The following RHOA variants were observed in gnomAD, a reference collection of about 807,000 sequenced individuals.
RHOA encodes ras homolog family member A.
In RHOA, 3 loss-of-function variants were observed where a neutral mutation model predicts 17.5. The observed-to-expected ratio is 0.17, with a 90% CI of 0.08 to 0.44. The LOEUF is 0.44. Among genes scored for constraint, RHOA ranks in the 20% least tolerant of loss-of-function variants. The pLI, the probability that RHOA is intolerant of heterozygous loss-of-function variation, is 0.99. For missense variants in RHOA, 56 were observed against 242.3 expected (o/e 0.23, Z 5.10); for synonymous variants, 98 against 88.4 (o/e 1.11, Z -0.61).
intron 1 of RHOA, among the ~76,000 whole-genome samples, chr3:49,393,670 C>CTG (rs2048553811): frequency 3.0e-4 from 29 of 97,238 alleles, no homozygotes; most frequent in Admixed American, 7.4e-4. Flanking sequence ...GTCTCAAATT[C>CTG]TCTCTCTGTG....
chr3:49,410,996 T>C (rs2048923620), intron 1 of RHOA, among the ~76,000 whole-genome samples: 2 of 152,258 alleles, frequency 1.3e-5, no homozygotes. Context: ...AATAGCGCTA[T>C]TCAATGAAGA....
At chr3:49,411,072 C>A (rs1324111666) in intron 1 of RHOA, among the ~76,000 whole-genome samples, 4 of 152,196 alleles carry the variant, frequency 2.6e-5, no homozygotes, top group African/African-American at 7.2e-5. Flanking sequence ...CTAATCAATA[C>A]AGCGACTTCG....
intron 1 of RHOA, among the ~76,000 whole-genome samples, chr3:49,384,799 G>T (rs1029748623): frequency 6.6e-6 from 1 of 151,980 alleles, no homozygotes; most frequent in Non-Finnish European, 1.5e-5. Context: ...AGTGGCTCAC[G>T]CCTGTAATCC....
At chr3:49,403,038 T>TAA (rs34145759) in intron 1 of RHOA, among the ~76,000 whole-genome samples, 12,485 of 136,082 alleles carry the variant, frequency 0.092, 602 homozygotes, top group Middle Eastern at 0.11. Flanking sequence ...TTCCATCTCA[T>TAA]AAAAAAAAAA....
chr3:49,362,436 C>T (rs1319379684), intron 4 of RHOA, 60 bp downstream of exon 4: 1 of 1,506,104 alleles, frequency 6.6e-7, no homozygotes, highest in African/African-American at 1.4e-5. Context: ...GCTCCCCAAA[C>T]CTCCAAACTT....
chr3:49,390,427 C>A (rs144310262), intron 1 of RHOA, among the ~76,000 whole-genome samples: 1 of 152,084 alleles, frequency 6.6e-6, no homozygotes, highest in Non-Finnish European at 1.5e-5. Flanking sequence ...CTGCACCCAG[C>A]CTTAATTTTT....
rs2047941386 is a variant in RHOA, at chr3:49,360,283, C to G, written c.508G>C (p.Val170Leu). The G allele has an allele frequency of 6.2e-7, 1 of 1,614,086 alleles. No homozygotes were observed. The highest frequency in any genetic ancestry group is 8.5e-7 in the Non-Finnish European group (1 of 1,180,026). ...SAKTKDGVRE[V>L]FEMATRAALQ... Reference sequence around the variant, plus strand: ...GCAGCTCTCGTAGCCATTTCAAAAACCTCTCTCACTCCATCTTTGGTCTTT... The same window carrying G: ...GCAGCTCTCGTAGCCATTTCAAAAAGCTCTCTCACTCCATCTTTGGTCTTT... The change falls in exon 5 of 5, where the codon GTT becomes CTT. Residue 170 changes from valine (V) to leucine (L), a missense_variant. By Grantham distance (32) the Val-to-Leu change is conservative (BLOSUM62 1). This residue lies in a region of RHOA where 39 missense variants were observed against 86.0 expected (regional missense o/e 0.45). Coordinates refer to ENST00000418115, the MANE Select transcript of RHOA (RefSeq NM_001664.4).
At chr3:49,403,292 T>G (rs1256637274) in intron 1 of RHOA, among the ~76,000 whole-genome samples, 1 of 151,820 alleles carries the variant, frequency 6.6e-6, no homozygotes, top group Non-Finnish European at 1.5e-5. Context: ...GAGCCAAGAT[T>G]GCGGCACTGC....
intron 1 of RHOA, among the ~76,000 whole-genome samples, chr3:49,382,185 G>A (rs1322150962): frequency 6.6e-6 from 1 of 151,842 alleles, no homozygotes; most frequent in Admixed American, 6.6e-5. Flanking sequence ...CAGGCGTCGT[G>A]AAGGGCGCCT....
chr3:49,402,675 A>G (rs765412097), intron 1 of RHOA, among the ~76,000 whole-genome samples: 93 of 151,922 alleles, frequency 6.1e-4, no homozygotes, highest in Non-Finnish European at 1.1e-3. Flanking sequence ...CTCTGTCTCA[A>G]AAACAAACCA....
chr3:49,368,656 C>T lies in RHOA; in HGVS notation c.157-108G>A, dbSNP rs376169121. 2.5e-6 allele frequency: 3 copies of T among 1,200,734 alleles called. No homozygotes were observed. The Admixed American group carries it at 6.2e-5, about 25-fold the overall frequency. 74.4% of individuals were successfully genotyped at this position (1,200,734 alleles called of 1,614,324 possible). A position where few individuals can be genotyped will look rare whatever the true frequency, so the allele number is the denominator to read the frequency against. On this transcript the variant is annotated intron_variant, in intron 2 of 4. Transcript: ENST00000418115. ...TTGAAATGGCAGACCATTGAAATGG[C>T]AGACGGTCTAAAACAGTAAAACACA...
At chr3:49,368,575 G>A (rs1444460888) in intron 2 of RHOA, 27 bp from the exon 3 acceptor site, 1 of 1,613,664 alleles carries the variant, frequency 6.2e-7, no homozygotes, top group South Asian at 1.1e-5. Flanking sequence ...AACCACAAGA[G>A]TGCAAGGTTA....
intron 1 of RHOA, among the ~76,000 whole-genome samples, chr3:49,390,967 C>T (rs2048491879): frequency 6.6e-6 from 1 of 151,850 alleles, no homozygotes; most frequent in Admixed American, 6.6e-5. Flanking sequence ...GCCTGTAATC[C>T]CAGCACTTTG....
At chr3:49,378,240 CTTTT>C (rs71077802) in intron 1 of RHOA, among the ~76,000 whole-genome samples, 1 of 60,712 alleles carries the variant, frequency 1.6e-5, no homozygotes, top group African/African-American at 6.1e-5. Flanking sequence ...ATCCATCTAT[CTTTT>C]TTTTTTTTTT....
At chr3:49,407,072 G>C (rs1469611499) in intron 1 of RHOA, among the ~76,000 whole-genome samples, 1 of 151,968 alleles carries the variant, frequency 6.6e-6, no homozygotes, top group African/African-American at 2.4e-5. Flanking sequence ...GCTTGAACCT[G>C]GGAAACAAAG....
In RHOA at chr3:49,389,167, C is replaced by A. The variant is rs142685853; in HGVS notation, c.-2-13576G>T. 5.4e-3 allele frequency among the ~76,000 whole-genome samples: 822 copies of A among 151,916 alleles called. 3 individuals carry two copies. Among genetic ancestry groups the A allele is most frequent in the Non-Finnish European group, 8.4e-3 (572 of 67,964 alleles). ...GACCAACCTGGCCAACCTGGTGAAA[C>A]CCCATCTCTACAAAAATACAAAAAA... is the stretch of plus-strand genomic sequence containing the variant. On this transcript the variant is annotated intron_variant, in intron 1 of 4. Coordinates refer to ENST00000418115, the MANE Select transcript of RHOA (RefSeq NM_001664.4).
At chr3:49,380,719 T>C (rs561688516) in intron 1 of RHOA, among the ~76,000 whole-genome samples, 1 of 125,124 alleles carries the variant, frequency 8.0e-6, no homozygotes, top group Non-Finnish European at 1.7e-5. Context: ...ATAATAATAA[T>C]AAATACTCAT....
Position 49,360,478 on chromosome 3 carries a change from T to C in RHOA, c.409-96A>G, listed in dbSNP as rs138105214. ...AATTCATCTAAAAGATTTTTTTTTCTTTTTTTGAGACAGTTTTGCTCGTCG... is the reference window on the plus strand; with the variant it reads ...AATTCATCTAAAAGATTTTTTTTTCCTTTTTTGAGACAGTTTTGCTCGTCG... On this transcript the variant is annotated intron_variant, in intron 4 of 4. Transcript: ENST00000418115. The C allele has an allele frequency of 5.0e-4, 683 of 1,356,732 alleles. 4 individuals are homozygous for C. In the African/African-American group the frequency reaches 9.1e-3, roughly 18 times the overall value. 84.0% of individuals were successfully genotyped at this position (1,356,732 alleles called of 1,614,324 possible). A position where few individuals can be genotyped will look rare whatever the true frequency, so the allele number is the denominator to read the frequency against.
chr3:49,377,077 G>A (rs1238495355), intron 1 of RHOA, among the ~76,000 whole-genome samples: 8 of 152,078 alleles, frequency 5.3e-5, no homozygotes. Flanking sequence ...GTGGTGAGCC[G>A]AGATCATGCC....
Sources: gnomAD v4.1 joint callset for allele counts (sites outside exome capture counted in the v4.1 genomes callset) on GRCh38, gnomAD v4.1.1 for gene constraint, gnomAD v4.1.1 regional missense constraint, MANE v1.5 for transcripts, NCBI Gene and HGNC (gene_info 2026-07-23, HGNC 2026-07-21) for gene names.